Variants in CCSER1 observed in about 807,000 individuals in gnomAD.
CCSER1 encodes serine-rich coiled-coil domain-containing protein 1.
CCSER1 carries 41 observed loss-of-function variants against 82.0 expected under a neutral mutation model. That is an observed-to-expected ratio of 0.50 (90% CI 0.39 to 0.65). The LOEUF (loss-of-function observed/expected upper bound fraction) is 0.65, where lower values mean the gene tolerates loss of function less well. CCSER1 is among the 30% of genes least tolerant of loss of function. The pLI, the probability that CCSER1 is intolerant of heterozygous loss-of-function variation, is 0.00. For synonymous variants in CCSER1, 414 were observed against 383.9 expected, an observed-to-expected ratio of 1.08 and a Z score of -0.92; for missense variants, 1,119 against 1,064.2, an observed-to-expected ratio of 1.05 and a Z score of -0.72.
At chr4:90,246,115 G>T (rs557086404) in intron 1 of CCSER1, among the ~76,000 whole-genome samples, 3 of 152,246 alleles carry the variant, frequency 2.0e-5, no homozygotes, top group African/African-American at 7.2e-5. Flanking sequence ...CAAAGATAAT[G>T]TAGTCTTTAT....
chr4:91,194,381 C>A (rs1315981362), intron 10 of CCSER1, among the ~76,000 whole-genome samples: 1 of 151,896 alleles, frequency 6.6e-6, no homozygotes. Context: ...TAAGGATAAG[C>A]CAAAATATAA....
intron 10 of CCSER1, among the ~76,000 whole-genome samples, chr4:91,466,858 C>T (rs1034347289): frequency 2.0e-5 from 3 of 152,040 alleles, no homozygotes; most frequent in African/African-American, 7.2e-5. Context: ...TAAAAGAGGA[C>T]ACAAACAAAT....
chr4:90,517,458 T>TAA (rs2153621739), intron 5 of CCSER1, among the ~76,000 whole-genome samples: 1 of 152,154 alleles, frequency 6.6e-6, no homozygotes, highest in African/African-American at 2.4e-5. Flanking sequence ...AGTAGATAGG[T>TAA]GTTGGTGCCA....
chr4:90,322,164 AAG>A (rs1349172439), intron 3 of CCSER1, among the ~76,000 whole-genome samples: 2 of 152,120 alleles, frequency 1.3e-5, no homozygotes, highest in African/African-American at 4.8e-5. Flanking sequence ...TATATATGGC[AAG>A]AGATAGGCGT....
intron 8 of CCSER1, among the ~76,000 whole-genome samples, chr4:90,867,914 T>C (rs1765943043): frequency 6.6e-6 from 1 of 152,076 alleles, no homozygotes; most frequent in African/African-American, 2.4e-5. Context: ...TCATTGTGTA[T>C]ATGCATAACA....
At position 90,815,758 on chromosome 4, in the gene CCSER1, A is replaced by G. The variant is rs762999335; in HGVS notation, c.2011-4A>G. ...ATTATGCTGTCTCTTTGATGTTTTT[A>G]TAGGATATAATGAAAGATGAATGCT... On this transcript the variant is annotated splice_region_variant and splice_polypyrimidine_tract_variant and intron_variant, in intron 7 of 10. Coordinates refer to ENST00000509176, the MANE Select transcript of CCSER1 (RefSeq NM_001145065.2). The G allele has an allele frequency of 3.9e-6, 6 of 1,548,712 alleles. No homozygotes were observed. Among genetic ancestry groups the G allele is most frequent in the East Asian group, 2.4e-5 (1 of 40,876 alleles).
At chr4:91,280,607 C>CTG (rs1560563608) in intron 10 of CCSER1, among the ~76,000 whole-genome samples, 1 of 152,140 alleles carries the variant, frequency 6.6e-6, no homozygotes, top group Non-Finnish European at 1.5e-5. Flanking sequence ...GGCTCTGCTG[C>CTG]TGTAGAGAGT....
At chr4:91,146,133 T>A (rs1729512928) in intron 10 of CCSER1, among the ~76,000 whole-genome samples, 1 of 152,208 alleles carries the variant, frequency 6.6e-6, no homozygotes, top group Admixed American at 6.5e-5. Context: ...AAAATTATTA[T>A]TTTTATGTTC....
Position 90,468,362 on chromosome 4 carries a change from G to A in CCSER1, c.1724+8G>A. On this transcript the variant is annotated splice_region_variant and intron_variant, in intron 5 of 10. Coordinates refer to ENST00000509176, the MANE Select transcript of CCSER1 (RefSeq NM_001145065.2). The stretch of plus-strand genomic sequence containing the variant: ...TCCTGAGCCTTCCAAACAGTGAGTT[G>A]TTCATTTAATTTTTCAAGGCCTTGT... 1 of 1,595,738 alleles carries A rather than the reference G, an allele frequency of 6.3e-7. No individual in the cohort carries two copies. Among genetic ancestry groups the A allele is most frequent in the African/African-American group, 1.3e-5 (1 of 74,516 alleles).
intron 7 of CCSER1, among the ~76,000 whole-genome samples, chr4:90,733,569 T>C (rs1461401729): frequency 1.3e-5 from 2 of 152,178 alleles, no homozygotes; most frequent in African/African-American, 4.8e-5. Context: ...TTTGGTTGAC[T>C]GTGGTTTAGG....
intron 9 of CCSER1, among the ~76,000 whole-genome samples, chr4:90,937,768 C>T (rs1465283708): frequency 1.4e-4 from 22 of 152,136 alleles, no homozygotes; most frequent in Admixed American, 1.4e-3. Context: ...GTATTTTAAG[C>T]CAAGCTCCAA....
At chr4:91,368,655 T>C (rs1749809554) in intron 10 of CCSER1, among the ~76,000 whole-genome samples, 1 of 152,168 alleles carries the variant, frequency 6.6e-6, no homozygotes, top group African/African-American at 2.4e-5. Context: ...ATAATTGCCA[T>C]ACAATTTTAT....
At chr4:91,024,984 T>C (rs548985033) in intron 9 of CCSER1, among the ~76,000 whole-genome samples, 9 of 152,268 alleles carry the variant, frequency 5.9e-5, no homozygotes, top group African/African-American at 1.9e-4. Context: ...AGCACTATTG[T>C]ATTTTTATTT....
intron 6 of CCSER1, among the ~76,000 whole-genome samples, chr4:90,668,074 A>G (rs1015450291): frequency 6.6e-6 from 1 of 152,178 alleles, no homozygotes; most frequent in African/African-American, 2.4e-5. Context: ...ATTTTGGTAG[A>G]TCTAAAGATG....
rs571953300 is a variant in CCSER1 at position 90,280,997 on chromosome 4, T to C, written c.-41-27247T>C. Among the ~76,000 whole-genome samples the C allele has an allele frequency of 1.2e-4, 19 of 152,166 alleles. 1 individual carries two copies. In the East Asian group the frequency reaches 3.3e-3, roughly 26 times the overall value. On this transcript the variant is annotated intron_variant, in intron 1 of 10. Coordinates refer to ENST00000509176, the MANE Select transcript of CCSER1 (RefSeq NM_001145065.2). ...AAAAACATTTGAAATCATACTGACA[T>C]TTTCATACATCCATACTATTTTCCA...
chr4:91,218,377 G>T (rs1737466538), intron 10 of CCSER1, among the ~76,000 whole-genome samples: 1 of 152,210 alleles, frequency 6.6e-6, no homozygotes, highest in Admixed American at 6.5e-5. Flanking sequence ...CAAGCTGAGG[G>T]AGTGGGCTCC....
At chr4:90,303,334 C>T (rs1733545577) in intron 1 of CCSER1, among the ~76,000 whole-genome samples, 1 of 152,092 alleles carries the variant, frequency 6.6e-6, no homozygotes, top group Non-Finnish European at 1.5e-5. Context: ...AAAGAGCCTG[C>T]ATCGCCAAGT....
intron 5 of CCSER1, among the ~76,000 whole-genome samples, chr4:90,620,999 A>G (rs537149456): frequency 2.0e-5 from 3 of 151,928 alleles, no homozygotes; most frequent in Non-Finnish European, 4.4e-5. Context: ...TTTTATTTTT[A>G]GTAGGGAGGG....
intron 10 of CCSER1, among the ~76,000 whole-genome samples, chr4:91,472,668 G>A (rs1757347559): frequency 6.6e-6 from 1 of 152,094 alleles, no homozygotes; most frequent in Non-Finnish European, 1.5e-5. Context: ...CAGTTTCATA[G>A]GCACAATCTC....
Sources: gnomAD v4.1 joint callset for allele counts (sites outside exome capture counted in the v4.1 genomes callset) on GRCh38, gnomAD v4.1.1 for gene constraint, MANE v1.5 for transcripts, NCBI Gene and HGNC (gene_info 2026-07-23, HGNC 2026-07-21) for gene names.